MOGS: variants seen among roughly 807,000 people sequenced by gnomAD.
MOGS encodes mannosyl-oligosaccharide glucosidase.
In MOGS, 45 loss-of-function variants were observed where a neutral mutation model predicts 68.5. The observed-to-expected ratio is 0.66, with a 90% CI of 0.52 to 0.84. The LOEUF is 0.84. Among genes scored for constraint, MOGS ranks in the 40% least tolerant of loss-of-function variants. MOGS has a pLI of 0.00. For missense variants in MOGS, 1,020 were observed against 1,095.0 expected, an observed-to-expected ratio of 0.93 and a Z score of 0.97; for synonymous variants, 492 against 461.2, an observed-to-expected ratio of 1.07 and a Z score of -0.86.
intron 2 of MOGS, 187 bp from the exon 3 acceptor site, chr2:74,463,573 C>T (rs1459246865): frequency 1.6e-6 from 1 of 639,388 alleles, no homozygotes; most frequent in East Asian, 2.8e-5. Flanking sequence ...AGATAAAGAG[C>T]CTTGCACTGG....
Position 74,462,117 on chromosome 2 carries a change from G to A in MOGS, c.1672C>T (p.Leu558=). ...LHQSQAGPLP[L]SYRWRGRDPA... ...TCCCGTCCCCGCCAGCGGTAAGATAGTGGCAGTGGGCCTGCCTGGCTCTGA... is the reference window on the plus strand; with the variant it reads ...TCCCGTCCCCGCCAGCGGTAAGATAATGGCAGTGGGCCTGCCTGGCTCTGA... Residue 558 remains leucine, a synonymous_variant, in exon 4 of 4, where the codon CTA becomes TTA. Transcript: ENST00000448666. 6.2e-7 allele frequency: 1 copy of A among 1,614,120 alleles called. No homozygotes were observed. The highest frequency in any genetic ancestry group is 8.5e-7 in the Non-Finnish European group (1 of 1,179,950).
Position 74,461,449 on chromosome 2 carries a change from A to AGT in MOGS, c.2339_2340insAC (p.Ala781LeufsTer13). Reference sequence around the variant, plus strand: ...CACGGAGCTCACCGTGGAGTTTGGCAGCCCGAGCCTGGTGAGGACCCTCCA... The same window carrying AGT: ...CACGGAGCTCACCGTGGAGTTTGGCAGTGCCCGAGCCTGGTGAGGACCCTCCA... On this transcript the variant is annotated frameshift_variant, in exon 4 of 4. Transcript: ENST00000448666. LOFTEE classifies it high-confidence loss of function. The AGT allele has an allele frequency of 6.2e-7, 1 of 1,614,214 alleles. No individual in the cohort carries two copies. Among genetic ancestry groups the AGT allele is most frequent in the East Asian group, 2.2e-5 (1 of 44,894 alleles).
chr2:74,465,049 G>T lies in MOGS; in HGVS notation c.199C>A (p.Arg67Ser), dbSNP rs757659269. The part of the protein sequence containing the change: ...MSGRWVLAWY[R>S]ARRAVTLHSA... Reference sequence around the variant, plus strand: ...TGCAGCGTGACCGCCCGCCGCGCACGGTACCACGCCAGCACCCAGCGCCCC... The same window carrying T: ...TGCAGCGTGACCGCCCGCCGCGCACTGTACCACGCCAGCACCCAGCGCCCC... Residue 67 changes from arginine to serine, a missense_variant, in exon 1 of 4, where the codon CGT becomes AGT. Arg to Ser is a moderately radical substitution (Grantham distance 110, BLOSUM62 -1). Transcript: ENST00000448666. 2.6e-6 allele frequency: 4 copies of T among 1,556,008 alleles called. No individual in the cohort carries two copies. Among genetic ancestry groups the T allele is most frequent in the South Asian group, 1.2e-5 (1 of 84,708 alleles).
chr2:74,461,963 CGG>C lies in MOGS; in HGVS notation c.1824_1825del (p.Arg609CysfsTer11), dbSNP rs1558565069. ...ATGCTCTGCCAGCCGCGTCAGCACA[CGG>C]GCACCCAGTGCCACCCAACATCGCA... On this transcript the variant is annotated frameshift_variant, in exon 4 of 4. Coordinates refer to ENST00000448666, the MANE Select transcript of MOGS (RefSeq NM_006302.3). LOFTEE classifies it high-confidence loss of function. 1 of 1,614,170 alleles carries C rather than the reference CGG, an allele frequency of 6.2e-7. No homozygotes were observed. The highest frequency in any genetic ancestry group is 1.1e-5 in the South Asian group (1 of 91,082).
At chr2:74,463,566 TAA>T (rs1269689218) in intron 2 of MOGS, 180 bp from the exon 3 acceptor site, 1 of 653,932 alleles carries the variant, frequency 1.5e-6, no homozygotes, top group African/African-American at 1.8e-5. Context: ...CGGGATGAGA[TAA>T]AGAGCCTTGC....
At position 74,465,024 on chromosome 2, in the gene MOGS, T is replaced by A; in HGVS notation, c.224A>T (p.His75Leu). 2 of 1,553,724 alleles carry A rather than the reference T, an allele frequency of 1.3e-6. No homozygotes were observed. The highest frequency in any genetic ancestry group is 8.7e-7 in the Non-Finnish European group (1 of 1,149,256). The change falls in exon 1 of 4, where the codon CAC becomes CTC. Residue 75 changes from histidine to leucine, a missense_variant. By Grantham distance (99) the His-to-Leu change is moderately conservative (BLOSUM62 -3). Coordinates refer to ENST00000448666, the MANE Select transcript of MOGS (RefSeq NM_006302.3). ...GGCAGGCAACACAGGAGGCGCGGAG[T>A]GCAGCGTGACCGCCCGCCGCGCACG... is the stretch of plus-strand genomic sequence containing the variant. ...WYRARRAVTL[H>L]SAPPVLPADS...
Position 74,462,453 on chromosome 2 carries a change from G to A in MOGS, c.1336C>T (p.Arg446Ter), listed in dbSNP as rs776347680. 5.6e-6 allele frequency: 9 copies of A among 1,612,070 alleles called. No homozygotes were observed. In the East Asian group the frequency reaches 6.7e-5, roughly 12 times the overall value. ...TAVPSRSFFP[R>*]GFLWDEGFHQ... ...AAGCCTTCATCCCAAAGGAAGCCTC[G>A]TGGGAAGAATGACCGGGAGGGCACT... Residue 446 changes from arginine (R) to a stop codon, truncating the protein, a stop_gained, in exon 4 of 4, where the codon CGA becomes TGA. Coordinates refer to ENST00000448666, the MANE Select transcript of MOGS (RefSeq NM_006302.3). LOFTEE classifies it high-confidence loss of function.
At position 74,464,891 on chromosome 2, in the gene MOGS, G is replaced by A; in HGVS notation, c.352+5C>T. On this transcript the variant is annotated splice_donor_5th_base_variant and intron_variant, in intron 1 of 3. Coordinates refer to ENST00000448666, the MANE Select transcript of MOGS (RefSeq NM_006302.3). The stretch of plus-strand genomic sequence containing the variant: ...GCCTGCCTGCCCGCCCTGGGGCCCG[G>A]TTACCGGTGAGGAGGGGCTTCGGGC... The A allele has an allele frequency of 2.5e-6, 4 of 1,605,764 alleles. No homozygotes were observed. The highest frequency in any genetic ancestry group is 2.6e-6 in the Non-Finnish European group (3 of 1,175,952).
intron 2 of MOGS, chr2:74,463,639 C>T (rs1160850899): frequency 2.3e-6 from 1 of 428,264 alleles, no homozygotes; most frequent in South Asian, 2.7e-5. Context: ...AAGAACTCTA[C>T]ACAGTTGATT....
chr2:74,464,459 G>T (rs948969315), intron 2 of MOGS, 37 bp downstream of exon 2: 5 of 1,600,688 alleles, frequency 3.1e-6, no homozygotes, highest in Non-Finnish European at 8.5e-7. Context: ...GGATGGAGGG[G>T]GTCTGGGCTG....
In MOGS at chr2:74,461,109, A is replaced by G; in HGVS notation, c.*166T>C. 1.3e-6 allele frequency: 1 copy of G among 754,798 alleles called. No individual in the cohort carries two copies. Among genetic ancestry groups the G allele is most frequent in the Non-Finnish European group, 2.2e-6 (1 of 461,532 alleles). 46.8% of individuals were successfully genotyped at this position (754,798 alleles called of 1,614,324 possible). The stretch of plus-strand genomic sequence containing the variant: ...ATTTAGAAAAATAGACTCTGGATTC[A>G]CATTCACCCCAGGGCTATGTGGGAT... On this transcript the variant is annotated 3_prime_UTR_variant, in exon 4 of 4. Coordinates refer to ENST00000448666, the MANE Select transcript of MOGS (RefSeq NM_006302.3).
In MOGS at chr2:74,461,625, G is replaced by T; in HGVS notation, c.2164C>A (p.Leu722Ile). 1 of 1,614,098 alleles carries T rather than the reference G, an allele frequency of 6.2e-7. No individual in the cohort carries two copies. Among genetic ancestry groups the T allele is most frequent in the Non-Finnish European group, 8.5e-7 (1 of 1,179,984 alleles). Residue 722 changes from leucine to isoleucine, a missense_variant, in exon 4 of 4, where the codon CTC becomes ATC. By Grantham distance (5) the Leu-to-Ile change is conservative. Transcript: ENST00000448666. ...LLDILADSRH[L>I]WSPFGLRSLA... ...GAGCGTAAACCAAAGGGGCTCCAGAGATGGCGGCTGTCGGCTAGAATGTCC... is the reference window on the plus strand; with the variant it reads ...GAGCGTAAACCAAAGGGGCTCCAGATATGGCGGCTGTCGGCTAGAATGTCC...
chr2:74,464,990 G>A lies in MOGS; in HGVS notation c.258C>T (p.Ser86=). 2 of 1,559,474 alleles carry A rather than the reference G, an allele frequency of 1.3e-6. No homozygotes were observed. Among genetic ancestry groups the A allele is most frequent in the Non-Finnish European group, 8.7e-7 (1 of 1,151,526 alleles). Residue 86 remains serine (S), a synonymous_variant, in exon 1 of 4, where the codon TCC becomes TCT. Coordinates refer to ENST00000448666, the MANE Select transcript of MOGS (RefSeq NM_006302.3). ...AGAGGTCCGGGGCCACGGCGGGGCT[G>A]GAGGAGTCGGCAGGCAACACAGGAG... ...SAPPVLPADS[S]SPAVAPDLFW...
Position 74,462,610 on chromosome 2 carries a change from A to C in MOGS, c.1179T>G (p.Ala393=). 1 of 1,614,220 alleles carries C rather than the reference A, an allele frequency of 6.2e-7. No homozygotes were observed. Among genetic ancestry groups the C allele is most frequent in the Non-Finnish European group, 8.5e-7 (1 of 1,180,040 alleles). The stretch of plus-strand genomic sequence containing the variant: ...TTCCACCAAGGAGGCCGCTGAGGGC[A>C]GCCTGACCCAAAACCTGCTCGCCAG... ...LSSGEQVLGQ[A]ALSGLLGGIG... is the part of the protein sequence containing the mutation. The change falls in exon 4 of 4, where the codon GCT becomes GCG. Residue 393 remains alanine (A), a synonymous_variant. Coordinates refer to ENST00000448666, the MANE Select transcript of MOGS (RefSeq NM_006302.3).
chr2:74,465,256 T>A lies in MOGS; in HGVS notation c.-9A>T. ...CGCTCGCCCCGAGCCATCCTGGCACTGAGGTCCGCGTCACAAGAGCTCGGA... is the reference window on the plus strand; with the variant it reads ...CGCTCGCCCCGAGCCATCCTGGCACAGAGGTCCGCGTCACAAGAGCTCGGA... On this transcript the variant is annotated 5_prime_UTR_variant, in exon 1 of 4. Transcript: ENST00000448666. 7.0e-7 allele frequency: 1 copy of A among 1,431,268 alleles called. No homozygotes were observed. The highest frequency in any genetic ancestry group is 3.1e-5 in the Admixed American group (1 of 32,632). 88.7% of individuals were successfully genotyped at this position (1,431,268 alleles called of 1,614,324 possible).
At position 74,465,160 on chromosome 2, in the gene MOGS, G is replaced by C. The variant is rs1672034062; in HGVS notation, c.88C>G (p.Arg30Gly). ...CGCGGCCCGCCGCCCCGGCCGTCCCGTCGCCCGGGGCCTCCCCGAGCCGCC... is the reference window on the plus strand; with the variant it reads ...CGCGGCCCGCCGCCCCGGCCGTCCCCTCGCCCGGGGCCTCCCCGAGCCGCC... ...ERAARGGPGR[R>G]DGRGGGPRST... Residue 30 changes from arginine to glycine, a missense_variant, in exon 1 of 4, where the codon CGG becomes GGG. Transcript: ENST00000448666. The C allele has an allele frequency of 2.6e-6, 4 of 1,531,034 alleles. No individual in the cohort carries two copies. Among genetic ancestry groups the C allele is most frequent in the South Asian group, 1.2e-5 (1 of 83,610 alleles). The allele number at this position is 1,531,034 out of a possible 1,614,324, so 94.8% of individuals were successfully genotyped here. A position where few individuals can be genotyped will look rare whatever the true frequency, so the allele number is the denominator to read the frequency against.
chr2:74,461,085 T>C lies in MOGS; in HGVS notation c.*190A>G, dbSNP rs1353372721. On this transcript the variant is annotated 3_prime_UTR_variant, in exon 4 of 4. Coordinates refer to ENST00000448666, the MANE Select transcript of MOGS (RefSeq NM_006302.3). Reference sequence around the variant, plus strand: ...AGTTCAAAATGTTTTTTCCAATTTATTTAGAAAAATAGACTCTGGATTCAC... The same window carrying C: ...AGTTCAAAATGTTTTTTCCAATTTACTTAGAAAAATAGACTCTGGATTCAC... The C allele has an allele frequency of 5.6e-6, 4 of 717,070 alleles. No individual in the cohort carries two copies. The highest frequency in any genetic ancestry group is 9.1e-6 in the Non-Finnish European group (4 of 437,310). The allele number at this position is 717,070 out of a possible 1,614,324, so 44.4% of individuals were successfully genotyped here. A position where few individuals can be genotyped will look rare whatever the true frequency, so the allele number is the denominator to read the frequency against.
rs1672016369 is a variant in MOGS, at chr2:74,464,693, G to A, written c.382C>T (p.Pro128Ser). 1 of 1,613,394 alleles carries A rather than the reference G, an allele frequency of 6.2e-7. No homozygotes were observed. Among genetic ancestry groups the A allele is most frequent in the African/African-American group, 1.3e-5 (1 of 74,928 alleles). The change falls in exon 2 of 4, where the codon CCG becomes TCG. Residue 128 changes from proline (P) to serine (S), a missense_variant. Transcript: ENST00000448666. ...GTGTGCCTGAGCTTAGGAGTCCCCG[G>A]GGTGGTGCCCTGCTGCGCCCACATC... ...GLMWAQQGTTPGTPKLRHTCE... is the reference protein window; with the variant it reads ...GLMWAQQGTTSGTPKLRHTCE...
At position 74,465,374 on chromosome 2, in the gene MOGS, A is replaced by G. The variant is rs1248212565; in HGVS notation, c.-127T>C. 1.9e-5 allele frequency: 9 copies of G among 466,140 alleles called. No individual in the cohort carries two copies. In the East Asian group the frequency reaches 3.2e-4, roughly 17 times the overall value. 28.9% of individuals were successfully genotyped at this position (466,140 alleles called of 1,614,324 possible). On this transcript the variant is annotated 5_prime_UTR_variant, in exon 1 of 4. Transcript: ENST00000448666. ...GTCCGGTTAGCGACACCTGCCAGCC[A>G]GCGCCTGCGCCTCCGCCTCCGCCTC...
Sources: allele counts gnomAD v4.1 joint callset, GRCh38; gene constraint gnomAD v4.1.1; transcripts MANE v1.5; gene names NCBI Gene and HGNC (gene_info 2026-07-23, HGNC 2026-07-21).